Variants in BDNF observed in about 807,000 individuals in gnomAD.
The protein encoded by BDNF is brain derived neurotrophic factor, also known as neurotrophic factor BDNF precursor form.
In BDNF, 1 loss-of-function variant was observed where a neutral mutation model predicts 19.5. That is an observed-to-expected ratio of 0.05 (90% CI 0.02 to 0.24). The LOEUF is 0.24. Ranked by LOEUF, BDNF falls within the 10% of genes least tolerant of loss-of-function variation. The pLI, the probability that BDNF is intolerant of heterozygous loss-of-function variation, is 1.00. For missense variants in BDNF, 195 were observed against 317.6 expected (o/e 0.61, Z 2.93); for synonymous variants, 100 against 121.6 (o/e 0.82, Z 1.17).
In BDNF at chr11:27,655,168, A is replaced by G. The variant is rs930942895; in HGVS notation, c.*2653T>C. The stretch of plus-strand genomic sequence containing the variant: ...TACATTTTCAATGGGAATCGCCATA[A>G]AAAAGCAACAGGCCTGCTGCCATGC... On this transcript the variant is annotated 3_prime_UTR_variant, in exon 2 of 2. Coordinates refer to ENST00000356660, the MANE Select transcript of BDNF (RefSeq NM_001709.5). The G allele has an allele frequency of 4.6e-5, 7 of 152,422 alleles. No individual in the cohort carries two copies. Among genetic ancestry groups the G allele is most frequent in the Middle Eastern group, 3.2e-3 (1 of 316 alleles). 9.4% of individuals were successfully genotyped at this position (152,422 alleles called of 1,614,324 possible).
upstream of BDNF, among the ~76,000 whole-genome samples, chr11:27,705,201 G>A (rs1264223961): frequency 6.6e-6 from 1 of 152,202 alleles, no homozygotes; most frequent in African/African-American, 2.4e-5. Flanking sequence ...TGTTGTAATA[G>A]TTCTATAAGC....
intron 1 of BDNF, among the ~76,000 whole-genome samples, chr11:27,714,430 C>G (rs1316793359): frequency 6.6e-6 from 1 of 152,102 alleles, no homozygotes; most frequent in Non-Finnish European, 1.5e-5. Context: ...AAAATTATAA[C>G]TTCTGCTTGC....
At position 27,658,692 on chromosome 11, in the gene BDNF, A is replaced by G. The variant is rs1852904331; in HGVS notation, c.-21-107T>C. 6.3e-7 allele frequency: 1 copy of G among 1,597,678 alleles called. No individual in the cohort carries two copies. ...AATTCCAGGCCATTCTGCAGGGTCA[A>G]GGTTTTTTTATGTCTTGGTGATAAA... On this transcript the variant is annotated intron_variant, in intron 1 of 1. Coordinates refer to ENST00000356660, the MANE Select transcript of BDNF (RefSeq NM_001709.5). This position sits in a 1 kb window ranked among gnomAD's most constrained non-coding sequence, Gnocchi z 5.7.
At chr11:27,706,627 T>C (rs539710203) in intron 1 of BDNF, among the ~76,000 whole-genome samples, 1 of 152,308 alleles carries the variant, frequency 6.6e-6, no homozygotes, top group Admixed American at 6.5e-5. Context: ...TTTCCCTTGG[T>C]CTACCCTGGA....
intron 1 of BDNF, among the ~76,000 whole-genome samples, chr11:27,688,366 G>A (rs1050088075): frequency 6.6e-6 from 1 of 152,196 alleles, no homozygotes; most frequent in Non-Finnish European, 1.5e-5. Context: ...GGGATCTGCT[G>A]AGCTAGATCA....
At chr11:27,672,541 C>T (rs368492041) in intron 1 of BDNF, among the ~76,000 whole-genome samples, 1 of 152,154 alleles carries the variant, frequency 6.6e-6, no homozygotes, top group Admixed American at 6.5e-5. Flanking sequence ...AGATCCAGCT[C>T]TCTCCTACCA....
intron 1 of BDNF, among the ~76,000 whole-genome samples, chr11:27,665,601 C>T (rs191686551): frequency 1.3e-4 from 20 of 152,290 alleles, no homozygotes; most frequent in Admixed American, 6.5e-4. Flanking sequence ...TCTTAGCAAA[C>T]GGCACACCAG....
At chr11:27,703,890 A>G (rs1590476033), upstream of BDNF, among the ~76,000 whole-genome samples, 1 of 152,370 alleles carries the variant, frequency 6.6e-6, no homozygotes, top group East Asian at 1.9e-4. Context: ...TTGCCTTAAA[A>G]GTACATCTTA....
At chr11:27,721,863 A>G in exon 1 of BDNF, 1 of 65,028 alleles carries the variant, frequency 1.5e-5, no homozygotes, top group Non-Finnish European at 5.1e-5. Flanking sequence ...GTACCCCTGT[A>G]AAAAAAAAAA....
exon 1 of BDNF, chr11:27,721,460 T>C (rs745452982): frequency 5.0e-6 from 8 of 1,610,098 alleles, no homozygotes; most frequent in Non-Finnish European, 6.8e-6. Flanking sequence ...AAATCTCGTC[T>C]CCCCAACAGA....
rs1423202317 is a variant in BDNF, at chr11:27,657,326, C to G, written c.*495G>C. ...GCCAGTAAAGCAATGACAACAGCAC[C>G]TTGACATTGTTTTAATTCCAACGCT... On this transcript the variant is annotated 3_prime_UTR_variant, in exon 2 of 2. Transcript: ENST00000356660. This position sits in a 1 kb window ranked among gnomAD's most constrained non-coding sequence, Gnocchi z 5.0. The G allele has an allele frequency of 3.0e-6, 3 of 995,254 alleles. No homozygotes were observed. Among genetic ancestry groups the G allele is most frequent in the South Asian group, 4.5e-5 (1 of 22,454 alleles). The allele number at this position is 995,254 out of a possible 1,614,324, so 61.7% of individuals were successfully genotyped here.
rs1350515000 is a variant in BDNF, at chr11:27,658,246, G to A, written c.319C>T (p.Leu107Phe). The change falls in exon 2 of 2, where the codon CTC becomes TTC. Residue 107 changes from leucine (L) to phenylalanine (F), a missense_variant. Leu to Phe is a conservative substitution (Grantham distance 22). Transcript: ENST00000356660. This position sits in a 1 kb window ranked among gnomAD's most constrained non-coding sequence, Gnocchi z 5.7. ...SSQVPLEPPL[L>F]FLLEEYKNYL... ...TTTTTGTATTCCTCCAGCAGAAAGA[G>A]AAGAGGAGGCTCCAAAGGCACTTGA... 1.2e-6 allele frequency: 2 copies of A among 1,613,916 alleles called. No individual in the cohort carries two copies. The highest frequency in any genetic ancestry group is 4.5e-5 in the East Asian group (2 of 44,868).
chr11:27,716,706 TAG>T (rs965054760), intron 1 of BDNF, among the ~76,000 whole-genome samples: 3 of 152,188 alleles, frequency 2.0e-5, no homozygotes, highest in Admixed American at 2.0e-4. Flanking sequence ...TCATATTCAT[TAG>T]AGTTATTTAA....
At chr11:27,670,690 A>C (rs987345333) in intron 1 of BDNF, among the ~76,000 whole-genome samples, 8 of 152,248 alleles carry the variant, frequency 5.3e-5, no homozygotes, top group Non-Finnish European at 1.2e-4. Context: ...AGAGAAATGC[A>C]AATCAAAACC....
chr11:27,693,415 T>C (rs2134032565), intron 1 of BDNF, among the ~76,000 whole-genome samples: 1 of 152,328 alleles, frequency 6.6e-6, no homozygotes, highest in Middle Eastern at 3.4e-3. Context: ...TACTTAATCA[T>C]AGTATTTTAC....
chr11:27,683,672 G>T (rs895830530), intron 1 of BDNF, among the ~76,000 whole-genome samples: 1 of 152,122 alleles, frequency 6.6e-6, no homozygotes, highest in Non-Finnish European at 1.5e-5. Flanking sequence ...AATCCTTTCT[G>T]CATTGCTTGT....
intron 1 of BDNF, among the ~76,000 whole-genome samples, chr11:27,699,168 C>T (rs985881826): frequency 6.6e-6 from 1 of 151,112 alleles, no homozygotes; most frequent in African/African-American, 2.4e-5. Flanking sequence ...GCTTCGTTCT[C>T]TGGGTCCCCT....
At chr11:27,716,985 C>G (rs909122557) in intron 1 of BDNF, among the ~76,000 whole-genome samples, 2 of 152,140 alleles carry the variant, frequency 1.3e-5, no homozygotes, top group African/African-American at 2.4e-5. Context: ...TGTGGTCATC[C>G]AGTCCCTTGC....
intron 1 of BDNF, among the ~76,000 whole-genome samples, chr11:27,709,543 C>T (rs551565952): frequency 2.6e-5 from 4 of 152,170 alleles, no homozygotes; most frequent in African/African-American, 9.6e-5. Flanking sequence ...TCCATTGTTT[C>T]CTTTTGATGT....
Sources: gnomAD v4.1 joint callset for allele counts (sites outside exome capture counted in the v4.1 genomes callset) on GRCh38, gnomAD v4.1.1 for gene constraint, Gnocchi (gnomAD v3.1) non-coding constraint, MANE v1.5 for transcripts, NCBI Gene and HGNC (gene_info 2026-07-23, HGNC 2026-07-21) for gene names.